Variants in HHIP observed in about 807,000 individuals in gnomAD.
The protein encoded by HHIP is hedgehog-interacting protein.
Under a neutral mutation model 74.0 loss-of-function variants are expected in HHIP, and 12 were observed. The observed-to-expected ratio is 0.16, with a 90% CI of 0.10 to 0.26. The LOEUF (loss-of-function observed/expected upper bound fraction) is 0.26, where lower values mean the gene tolerates loss of function less well. Ranked by LOEUF, HHIP falls within the 10% of genes least tolerant of loss-of-function variation. HHIP has a pLI of 1.00. For synonymous variants in HHIP, 309 were observed against 311.6 expected (o/e 0.99, Z 0.09); for missense variants, 788 against 845.0 (o/e 0.93, Z 0.84).
chr4:144,689,216 A>T (rs1729577755), intron 4 of HHIP, among the ~76,000 whole-genome samples: 1 of 152,206 alleles, frequency 6.6e-6, no homozygotes, highest in South Asian at 2.1e-4. Flanking sequence ...AGGAAATCTC[A>T]CTAACTCTAA....
At chr4:144,705,109 T>C (rs533991558) in intron 4 of HHIP, among the ~76,000 whole-genome samples, 9 of 152,240 alleles carry the variant, frequency 5.9e-5, no homozygotes, top group Admixed American at 2.0e-4. Context: ...GCAGCCATTT[T>C]AATATTTGTA....
At chr4:144,737,367 C>G (rs1297300144) in intron 12 of HHIP, among the ~76,000 whole-genome samples, 1 of 152,162 alleles carries the variant, frequency 6.6e-6, no homozygotes, top group East Asian at 1.9e-4. Flanking sequence ...CCCCCTCAGG[C>G]TGGGCCACTC....
intron 4 of HHIP, among the ~76,000 whole-genome samples, chr4:144,687,546 T>C (rs1729524727): frequency 6.6e-6 from 1 of 152,152 alleles, no homozygotes; most frequent in Non-Finnish European, 1.5e-5. Flanking sequence ...GATGTGCTCA[T>C]AGTGTAGTGA....
At chr4:144,715,485 C>A in intron 10 of HHIP, 55 bp downstream of exon 10, 1 of 1,545,666 alleles carries the variant, frequency 6.5e-7, no homozygotes, top group East Asian at 2.3e-5. Context: ...TTTCAAGAGG[C>A]TTTGTTCTGC....
chr4:144,691,526 GAAAT>G (rs1729668049), intron 4 of HHIP, among the ~76,000 whole-genome samples: 1 of 152,028 alleles, frequency 6.6e-6, no homozygotes, highest in Non-Finnish European at 1.5e-5. Flanking sequence ...GATGATTCTT[GAAAT>G]ATCTATGTAG....
intron 4 of HHIP, among the ~76,000 whole-genome samples, chr4:144,689,198 TAACA>T (rs1729577282): frequency 6.6e-6 from 1 of 152,220 alleles, no homozygotes; most frequent in African/African-American, 2.4e-5. Flanking sequence ...GTGTTCTTTA[TAACA>T]AACAGGAAAT....
Position 144,708,227 on chromosome 4 carries a change from A to G in HHIP, c.1217A>G (p.Tyr406Cys), listed in dbSNP as rs1333614449. 1 of 1,614,032 alleles carries G rather than the reference A, an allele frequency of 6.2e-7. No individual in the cohort carries two copies. Among genetic ancestry groups the G allele is most frequent in the Non-Finnish European group, 8.5e-7 (1 of 1,180,010 alleles). The change falls in exon 7 of 13, where the codon TAT becomes TGT. Residue 406 changes from tyrosine to cysteine, a missense_variant. This residue lies in a region of HHIP where 72 missense variants were observed against 130.6 expected (regional missense o/e 0.55). Coordinates refer to ENST00000296575, the MANE Select transcript of HHIP (RefSeq NM_022475.3). ...GACACAGACATGTGCAACGTGCCTT[A>G]TTCCATACCAAGGAGCAACCCACAC... ...DVDTDMCNVP[Y>C]SIPRSNPHFN...
chr4:144,703,350 A>G (rs1730044280), intron 4 of HHIP, among the ~76,000 whole-genome samples: 1 of 152,186 alleles, frequency 6.6e-6, no homozygotes, highest in African/African-American at 2.4e-5. Context: ...ACTAATCACT[A>G]GAAGCTCAAG....
intron 4 of HHIP, among the ~76,000 whole-genome samples, chr4:144,675,671 T>C (rs1050388035): frequency 6.6e-6 from 1 of 152,120 alleles, no homozygotes; most frequent in African/African-American, 2.4e-5. Flanking sequence ...AAACATTTCA[T>C]ATGTATATAT....
At chr4:144,647,839 C>T (rs1728309317) in intron 1 of HHIP, among the ~76,000 whole-genome samples, 1 of 152,114 alleles carries the variant, frequency 6.6e-6, no homozygotes, top group Non-Finnish European at 1.5e-5. Flanking sequence ...AATCACTGCA[C>T]GTGAAATAAA....
chr4:144,735,494 C>A (rs1312334556), intron 12 of HHIP, among the ~76,000 whole-genome samples: 1 of 152,096 alleles, frequency 6.6e-6, no homozygotes, highest in Non-Finnish European at 1.5e-5. Flanking sequence ...GTTGTTCTAG[C>A]CTATAACTTG....
chr4:144,736,128 T>C (rs372058824), intron 12 of HHIP, among the ~76,000 whole-genome samples: 1 of 145,484 alleles, frequency 6.9e-6, no homozygotes, highest in African/African-American at 2.5e-5. Context: ...TATCTACTTT[T>C]TCTGCATCTT....
At chr4:144,701,713 C>T (rs79481966) in intron 4 of HHIP, among the ~76,000 whole-genome samples, 2,206 of 152,238 alleles carry the variant, frequency 0.014, 55 homozygotes, top group African/African-American at 0.049. Context: ...ATGTCTTGAA[C>T]ATAGTGTCAC....
chr4:144,707,922 T>C (rs984415120), intron 6 of HHIP, among the ~76,000 whole-genome samples: 2 of 152,104 alleles, frequency 1.3e-5, no homozygotes, highest in Non-Finnish European at 2.9e-5. Context: ...TTTAAAATTT[T>C]TTGTAGAGAT....
intron 7 of HHIP, among the ~76,000 whole-genome samples, chr4:144,709,520 C>G (rs1414424398): frequency 6.6e-6 from 1 of 152,150 alleles, no homozygotes; most frequent in African/African-American, 2.4e-5. Context: ...TGCGGAGCCT[C>G]CCCACCTCTG....
At chr4:144,700,758 T>C (rs1305571036) in intron 4 of HHIP, among the ~76,000 whole-genome samples, 1 of 152,206 alleles carries the variant, frequency 6.6e-6, no homozygotes, top group East Asian at 1.9e-4. Flanking sequence ...CCAACATTTA[T>C]TATAACCTGT....
At chr4:144,675,045 AGAC>A (rs1201987098) in intron 4 of HHIP, among the ~76,000 whole-genome samples, 2 of 152,208 alleles carry the variant, frequency 1.3e-5, no homozygotes, top group Admixed American at 6.5e-5. Flanking sequence ...TTTACTCAGA[AGAC>A]AGTGTTAACC....
At chr4:144,730,851 G>A (rs1730933136) in intron 11 of HHIP, among the ~76,000 whole-genome samples, 1 of 152,094 alleles carries the variant, frequency 6.6e-6, no homozygotes, top group Non-Finnish European at 1.5e-5. Flanking sequence ...GGAGGGGAAT[G>A]GTTGGAATCA....
At chr4:144,653,907 C>A (rs768984079) in intron 2 of HHIP, among the ~76,000 whole-genome samples, 7 of 151,988 alleles carry the variant, frequency 4.6e-5, no homozygotes, top group Non-Finnish European at 1.5e-5. Context: ...GTTTCTAAGC[C>A]TTTTCTCAAG....
Sources: gnomAD v4.1 joint callset for allele counts (sites outside exome capture counted in the v4.1 genomes callset) on GRCh38, gnomAD v4.1.1 for gene constraint, gnomAD v4.1.1 regional missense constraint, MANE v1.5 for transcripts, NCBI Gene and HGNC (gene_info 2026-07-23, HGNC 2026-07-21) for gene names.